Variants in SKA3 observed in about 807,000 individuals in gnomAD.
The protein encoded by SKA3 is spindle and kinetochore-associated protein 3.
A neutral mutation model predicts 44.2 loss-of-function variants in SKA3; 39 were observed. The observed-to-expected ratio is 0.88, with a 90% CI of 0.68 to 1.15. The LOEUF is 1.15. Ranked by LOEUF, SKA3 falls within the 50% of genes most tolerant of loss-of-function variation. SKA3 has a pLI of 0.00. For synonymous variants in SKA3, 192 were observed against 172.0 expected, an observed-to-expected ratio of 1.12 and a Z score of -0.91; for missense variants, 511 against 485.8, an observed-to-expected ratio of 1.05 and a Z score of -0.49.
rs200945102 is a variant in SKA3 at position 21,161,878 on chromosome 13, G to A, written c.744-3C>T. 3 of 1,278,114 alleles carry A rather than the reference G, an allele frequency of 2.3e-6. No individual in the cohort carries two copies. Among genetic ancestry groups the A allele is most frequent in the East Asian group, 3.8e-5 (1 of 26,302 alleles). 79.2% of individuals were successfully genotyped at this position (1,278,114 alleles called of 1,614,324 possible). ...ATTCTGTATCTATGGCCTCCTCACTGGTGTGATTCATAGGGAAATTACAAG... is the reference window on the plus strand; with the variant it reads ...ATTCTGTATCTATGGCCTCCTCACTAGTGTGATTCATAGGGAAATTACAAG... On this transcript the variant is annotated splice_region_variant and splice_polypyrimidine_tract_variant and intron_variant, in intron 4 of 8. Transcript: ENST00000314759.
At chr13:21,173,954 T>C (rs950084249) in intron 1 of SKA3, among the ~76,000 whole-genome samples, 1 of 152,164 alleles carries the variant, frequency 6.6e-6, no homozygotes. Flanking sequence ...CAGTTCACAC[T>C]CCCACCAGCA....
In SKA3 at chr13:21,159,883, C is replaced by G. The variant is rs373439675; in HGVS notation, c.915+19G>C. On this transcript the variant is annotated intron_variant, in intron 6 of 8. Coordinates refer to ENST00000314759, the MANE Select transcript of SKA3 (RefSeq NM_145061.6). ...TCTTTAGGAGAAAGACTGTGGCTTT[C>G]AATTTTATGGAAAGTTACCAAAGCT... 8.4e-7 allele frequency: 1 copy of G among 1,183,530 alleles called. No individual in the cohort carries two copies. Among genetic ancestry groups the G allele is most frequent in the Non-Finnish European group, 1.1e-6 (1 of 891,794 alleles). The allele number at this position is 1,183,530 out of a possible 1,614,324, so 73.3% of individuals were successfully genotyped here. A position where few individuals can be genotyped will look rare whatever the true frequency, so the allele number is the denominator to read the frequency against.
intron 4 of SKA3, among the ~76,000 whole-genome samples, chr13:21,164,864 T>G (rs1174278308): frequency 6.6e-6 from 1 of 152,104 alleles, no homozygotes; most frequent in African/African-American, 2.4e-5. Context: ...AAGGCATGAA[T>G]CACCATGCCT....
In SKA3 at chr13:21,159,927, G is replaced by A. The variant is rs1256397224; in HGVS notation, c.890C>T (p.Pro297Leu). 4.4e-6 allele frequency: 7 copies of A among 1,608,036 alleles called. No individual in the cohort carries two copies. Among genetic ancestry groups the A allele is most frequent in the Non-Finnish European group, 5.9e-6 (7 of 1,177,832 alleles). Residue 297 changes from proline to leucine, a missense_variant, in exon 6 of 9, where the codon CCA becomes CTA. Physicochemically the swap from Pro to Leu is moderately conservative, Grantham distance 98. Coordinates refer to ENST00000314759, the MANE Select transcript of SKA3 (RefSeq NM_145061.6). ...CAAAGCTATGCTGTTCTTTGTAGAT[G>A]GAATTTTCAAACCAGGAGTACAGAA... ...PTFCTPGLKI[P>L]STKNSIALVS...
Position 21,157,987 on chromosome 13 carries a change from A to G in SKA3, c.1054T>C (p.Tyr352His). The G allele has an allele frequency of 1.2e-6, 2 of 1,613,452 alleles. No individual in the cohort carries two copies. The highest frequency in any genetic ancestry group is 1.3e-5 in the African/African-American group (1 of 75,018). The change falls in exon 7 of 9, where the codon TAT becomes CAT. Residue 352 changes from tyrosine (Y) to histidine (H), a missense_variant. Coordinates refer to ENST00000314759, the MANE Select transcript of SKA3 (RefSeq NM_145061.6). ...TDPSSPTISS[Y>H]ENLLRTPTPP... The stretch of plus-strand genomic sequence containing the variant: ...GTAGGTGTTCTGAGCAGATTCTCAT[A>G]AGAAGAAATCGTAGGTGAAGAGGGA...
At chr13:21,176,311 T>C in intron 1 of SKA3, 64 bp downstream of exon 1, 1 of 1,390,264 alleles carries the variant, frequency 7.2e-7, no homozygotes, top group Non-Finnish European at 9.7e-7. Flanking sequence ...TACCGTCCAC[T>C]CGCCACGCCC....
chr13:21,161,945 C>A, intron 4 of SKA3, 70 bp from the exon 5 acceptor site: 1 of 954,832 alleles, frequency 1.0e-6, no homozygotes, highest in South Asian at 2.1e-5. Flanking sequence ...AAAAATTTAA[C>A]CTTACTAAAT....
At position 21,172,405 on chromosome 13, in the gene SKA3, C is replaced by T; in HGVS notation, c.265G>A (p.Asp89Asn). 3.1e-6 allele frequency: 5 copies of T among 1,589,312 alleles called. No individual in the cohort carries two copies. The highest frequency in any genetic ancestry group is 4.3e-6 in the Non-Finnish European group (5 of 1,171,962). ...AAATACTCTCTTATTTTCATAATATCCATTGAATTTTTTTCCATTAGTACT... is the reference window on the plus strand; with the variant it reads ...AAATACTCTCTTATTTTCATAATATTCATTGAATTTTTTTCCATTAGTACT... Reference protein sequence around the residue: ...TKVLMEKNSMDIMKIREYFQK... With the variant: ...TKVLMEKNSMNIMKIREYFQK... The change falls in exon 3 of 9, where the codon GAT becomes AAT. Residue 89 changes from aspartate to asparagine, a missense_variant. Coordinates refer to ENST00000314759, the MANE Select transcript of SKA3 (RefSeq NM_145061.6).
At position 21,166,058 on chromosome 13, in the gene SKA3, T is replaced by C. The variant is rs200562247; in HGVS notation, c.743+1930A>G. On this transcript the variant is annotated intron_variant, in intron 4 of 8. Transcript: ENST00000314759. ...TTTTTGGAGAGTTTTGCTCTTGTTA[T>C]CTAGGCTGGAGTGCAGTGGCGTGAT... Among the ~76,000 whole-genome samples the C allele has an allele frequency of 2.8e-4, 42 of 151,838 alleles. No individual in the cohort carries two copies. The East Asian group carries it at 6.6e-3, about 24-fold the overall frequency.
intron 7 of SKA3, among the ~76,000 whole-genome samples, chr13:21,156,736 G>C (rs1047735636): frequency 1.3e-5 from 2 of 152,214 alleles, no homozygotes; most frequent in Non-Finnish European, 2.9e-5. Context: ...GTCTCCATAA[G>C]TCAGGAAGAC....
At position 21,171,935 on chromosome 13, in the gene SKA3, T is replaced by C. The variant is rs182873295; in HGVS notation, c.331+404A>G. ...ATTTTATAGCCAATATCTCTTTCTA[T>C]AGAAGAGAACACTGTGAACAAGAAA... On this transcript the variant is annotated intron_variant, in intron 3 of 8. Transcript: ENST00000314759. Among the ~76,000 whole-genome samples, 629 of 152,326 alleles carry C rather than the reference T, an allele frequency of 4.1e-3. 5 individuals are homozygous for C. The highest frequency in any genetic ancestry group is 0.017 in the Middle Eastern group (5 of 294).
At chr13:21,163,192 G>A (rs1870530654) in intron 4 of SKA3, among the ~76,000 whole-genome samples, 1 of 136,526 alleles carries the variant, frequency 7.3e-6, no homozygotes, top group African/African-American at 2.6e-5. Flanking sequence ...GTGAGACCCT[G>A]TCTCTAAAAA....
At chr13:21,163,641 T>C (rs1793178667) in intron 4 of SKA3, among the ~76,000 whole-genome samples, 1 of 152,214 alleles carries the variant, frequency 6.6e-6, no homozygotes, top group South Asian at 2.1e-4. Flanking sequence ...AACATCTGGA[T>C]ATGTTTTAGC....
At chr13:21,161,038 G>C (rs1870409718) in intron 5 of SKA3, among the ~76,000 whole-genome samples, 1 of 152,080 alleles carries the variant, frequency 6.6e-6, no homozygotes, top group South Asian at 2.1e-4. Context: ...GGGAGGACTG[G>C]TTGAGCCCAA....
At chr13:21,170,179 CTTT>C (rs1192752791) in intron 3 of SKA3, among the ~76,000 whole-genome samples, 4 of 138,370 alleles carry the variant, frequency 2.9e-5, no homozygotes, top group Non-Finnish European at 3.1e-5. Context: ...AGGTTATATA[CTTT>C]TTTTTTTTTT....
chr13:21,169,347 G>A (rs1024462102), intron 3 of SKA3, among the ~76,000 whole-genome samples: 3 of 151,954 alleles, frequency 2.0e-5, no homozygotes, highest in Non-Finnish European at 2.9e-5. Flanking sequence ...CTATAGGCAC[G>A]CACCACCATG....
intron 8 of SKA3, 44 bp downstream of exon 8, chr13:21,155,649 C>G (rs1426737910): frequency 8.5e-7 from 1 of 1,181,030 alleles, no homozygotes; most frequent in Admixed American, 1.8e-5. Flanking sequence ...AAATGTCCTC[C>G]TCAAATAACA....
rs1478274027 is a variant in SKA3, at chr13:21,154,966, T to G, written c.*184A>C. 2 of 975,490 alleles carry G rather than the reference T, an allele frequency of 2.1e-6. No individual in the cohort carries two copies. Among genetic ancestry groups the G allele is most frequent in the Non-Finnish European group, 3.1e-6 (2 of 652,296 alleles). 60.4% of individuals were successfully genotyped at this position (975,490 alleles called of 1,614,324 possible). On this transcript the variant is annotated 3_prime_UTR_variant, in exon 9 of 9. Transcript: ENST00000314759. ...TGACTGGGCTACATGTCAACAAGAC[T>G]AAGGTTAAACCTTATTGAAACTTCA...
At chr13:21,168,584 A>T (rs1402121385) in intron 3 of SKA3, among the ~76,000 whole-genome samples, 185 bp from the exon 4 acceptor site, 2 of 152,066 alleles carry the variant, frequency 1.3e-5, no homozygotes, top group Admixed American at 1.3e-4. Flanking sequence ...TGGAGTACAG[A>T]GGTGTGATCA....
Sources: gnomAD v4.1 joint callset for allele counts (sites outside exome capture counted in the v4.1 genomes callset) on GRCh38, gnomAD v4.1.1 for gene constraint, MANE v1.5 for transcripts, NCBI Gene and HGNC (gene_info 2026-07-23, HGNC 2026-07-21) for gene names.